ST8SIA5: variants seen among roughly 807,000 people sequenced by gnomAD.
ST8SIA5 encodes ST8 alpha-N-acetyl-neuraminide alpha-2,8-sialyltransferase 5.
Under a neutral mutation model 40.2 loss-of-function variants are expected in ST8SIA5, and 24 were observed. The observed-to-expected ratio is 0.60, with a 90% confidence interval of 0.43 to 0.84. The LOEUF (loss-of-function observed/expected upper bound fraction) is 0.84, where lower values mean the gene tolerates loss of function less well. Ranked by LOEUF, ST8SIA5 falls within the 40% of genes least tolerant of loss-of-function variation. ST8SIA5 has a pLI of 0.00. For synonymous variants in ST8SIA5, 198 were observed against 201.8 expected, an observed-to-expected ratio of 0.98 and a Z score of 0.16; for missense variants, 465 against 498.5, an observed-to-expected ratio of 0.93 and a Z score of 0.64.
intron 1 of ST8SIA5, among the ~76,000 whole-genome samples, chr18:46,729,500 C>A (rs1283783675): frequency 1.3e-5 from 2 of 152,058 alleles, no homozygotes; most frequent in Admixed American, 1.3e-4. Flanking sequence ...GCCAGAAACA[C>A]ATGCCAGACT....
intron 1 of ST8SIA5, among the ~76,000 whole-genome samples, chr18:46,713,990 G>A (rs74621009): frequency 0.041 from 6,174 of 152,278 alleles, 292 homozygotes; most frequent in Admixed American, 0.15. Flanking sequence ...AGGGATGGCT[G>A]GAGGAAGAAA....
chr18:46,727,962 C>T (rs773131249), intron 1 of ST8SIA5, among the ~76,000 whole-genome samples: 6 of 152,024 alleles, frequency 3.9e-5, no homozygotes, highest in Non-Finnish European at 7.4e-5. Flanking sequence ...TTTGGGAGGC[C>T]GAGGCAGGAG....
intron 1 of ST8SIA5, among the ~76,000 whole-genome samples, chr18:46,747,873 A>G (rs950745838): frequency 1.3e-5 from 2 of 152,222 alleles, no homozygotes; most frequent in Admixed American, 6.5e-5. Context: ...CATATATACC[A>G]TGGAATACTA....
intron 4 of ST8SIA5, 151 bp downstream of exon 4, chr18:46,688,624 G>A (rs2039471511): frequency 1.1e-6 from 1 of 937,176 alleles, no homozygotes; most frequent in Non-Finnish European, 1.5e-6. Context: ...GTGGGCTTCT[G>A]CACCTCAGAC....
chr18:46,680,481 G>A lies in ST8SIA5; in HGVS notation c.692C>T (p.Pro231Leu), dbSNP rs2039382123. 1.3e-6 allele frequency: 2 copies of A among 1,590,276 alleles called. No individual in the cohort carries two copies. Among genetic ancestry groups the A allele is most frequent in the Middle Eastern group, 1.7e-4 (1 of 6,034 alleles). ...RFHKLEKWRR[P>L]FYRVLQVYEN... Reference sequence around the variant, plus strand: ...GTACACCTGCAGCACGCGATAGAACGGCCGCCGCCACTTCTCCAGCTTGTG... The same window carrying A: ...GTACACCTGCAGCACGCGATAGAACAGCCGCCGCCACTTCTCCAGCTTGTG... The change falls in exon 7 of 7, where the codon CCG (proline) becomes CTG (leucine). Residue 231 changes from proline to leucine, a missense_variant. Physicochemically the swap from Pro to Leu is moderately conservative, Grantham distance 98. Transcript: ENST00000315087.
Position 46,704,682 on chromosome 18 carries a change from C to T in ST8SIA5, c.132-18G>A. The T allele has an allele frequency of 1.2e-6, 2 of 1,605,946 alleles. No homozygotes were observed. Among genetic ancestry groups the T allele is most frequent in the Non-Finnish European group, 1.7e-6 (2 of 1,172,502 alleles). ...CAAAGTACCTGGGGACCAACAGAGA[C>T]AGGTTAAACAGAGAAGCAGGTCAGG... is the stretch of plus-strand genomic sequence containing the variant. On this transcript the variant is annotated intron_variant, in intron 1 of 6. Coordinates refer to ENST00000315087, the MANE Select transcript of ST8SIA5 (RefSeq NM_013305.6).
intron 1 of ST8SIA5, among the ~76,000 whole-genome samples, chr18:46,710,443 T>TTTTCTTTCTCTCTCTTTCTTTTTCTC: frequency 6.9e-6 from 1 of 145,054 alleles, no homozygotes; most frequent in African/African-American, 2.5e-5. Flanking sequence ...TTCTTTTTCT[T>TTTTCTTTCTCTCTCTTTCTTTTTCTC]TTTCTTTCTC....
chr18:46,682,251 G>A (rs1364806419), intron 5 of ST8SIA5, among the ~76,000 whole-genome samples, 187 bp from the exon 6 acceptor site: 1 of 152,274 alleles, frequency 6.6e-6, no homozygotes, highest in African/African-American at 2.4e-5. Context: ...CACTAGGACA[G>A]CCAACAGGCC....
chr18:46,689,705 C>T (rs1250647995), intron 3 of ST8SIA5, among the ~76,000 whole-genome samples: 3 of 150,344 alleles, frequency 2.0e-5, no homozygotes, highest in African/African-American at 7.4e-5. Context: ...TCCCAAGTAG[C>T]TGGGATTACA....
chr18:46,725,476 G>T (rs1178894972), intron 1 of ST8SIA5, among the ~76,000 whole-genome samples: 1 of 152,018 alleles, frequency 6.6e-6, no homozygotes, highest in Non-Finnish European at 1.5e-5. Context: ...GACTATAGAA[G>T]CGAGGGACTA....
intron 2 of ST8SIA5, among the ~76,000 whole-genome samples, chr18:46,693,618 A>G (rs568073929): frequency 3.2e-4 from 49 of 152,372 alleles, no homozygotes; most frequent in South Asian, 1.0e-3. Context: ...ATGCATACAT[A>G]TAATCATTTC....
intron 1 of ST8SIA5, among the ~76,000 whole-genome samples, chr18:46,713,022 G>A (rs965252435): frequency 6.6e-5 from 10 of 152,222 alleles, no homozygotes; most frequent in Admixed American, 3.9e-4. Flanking sequence ...GGCTAGGCAG[G>A]GTTGTGGAGG....
rs537440900 is a variant in ST8SIA5, at chr18:46,728,052, G to A, written c.132-23388C>T. Reference sequence around the variant, plus strand: ...TCTACTAAAAATACAGAAATTAGCTGGGTATGGAGGCATGAGCCTGTAGTC... The same window carrying A: ...TCTACTAAAAATACAGAAATTAGCTAGGTATGGAGGCATGAGCCTGTAGTC... On this transcript the variant is annotated intron_variant, in intron 1 of 6. Transcript: ENST00000315087. Among the ~76,000 whole-genome samples the A allele has an allele frequency of 3.9e-5, 6 of 152,138 alleles. No homozygotes were observed. The East Asian group carries it at 1.2e-3, about 29-fold the overall frequency.
At chr18:46,715,320 CT>C (rs1487818288) in intron 1 of ST8SIA5, among the ~76,000 whole-genome samples, 2 of 152,208 alleles carry the variant, frequency 1.3e-5, no homozygotes, top group Admixed American at 1.3e-4. Context: ...AGGGGTCGCA[CT>C]GCCCCCAAGG....
intron 1 of ST8SIA5, among the ~76,000 whole-genome samples, chr18:46,755,918 C>T (rs920822457): frequency 6.6e-6 from 1 of 152,100 alleles, no homozygotes; most frequent in Non-Finnish European, 1.5e-5. Context: ...GGGGAAAATG[C>T]TTTTTCTCCC....
rs1804203036 is a variant in ST8SIA5 at position 46,676,935 on chromosome 18, T to G, written c.*3107A>C. 6.6e-6 allele frequency: 1 copy of G among 152,096 alleles called. No homozygotes were observed. The highest frequency in any genetic ancestry group is 1.5e-5 in the Non-Finnish European group (1 of 68,018). 9.4% of individuals were successfully genotyped at this position (152,096 alleles called of 1,614,324 possible). ...TCCTGAAAGTCAGGAGACTGGTGAG[T>G]CCCAGTTGAGCCACAAGCTGGCCAT... On this transcript the variant is annotated 3_prime_UTR_variant, in exon 7 of 7. Transcript: ENST00000315087.
At chr18:46,697,224 C>T (rs2039565524) in intron 2 of ST8SIA5, among the ~76,000 whole-genome samples, 1 of 151,758 alleles carries the variant, frequency 6.6e-6, no homozygotes, top group Admixed American at 6.6e-5. Context: ...AGACACAGAG[C>T]TCCTATCAGT....
chr18:46,695,217 CTGTGT>C (rs2039546789), intron 2 of ST8SIA5, among the ~76,000 whole-genome samples: 2 of 151,862 alleles, frequency 1.3e-5, no homozygotes, highest in Non-Finnish European at 2.9e-5. Context: ...GAGGCATGTC[CTGTGT>C]TTAATTGGAG....
chr18:46,721,412 A>G (rs1415973709), intron 1 of ST8SIA5: 2 of 1,536,162 alleles, frequency 1.3e-6, no homozygotes, highest in Non-Finnish European at 1.7e-6. Context: ...CCGTGACATT[A>G]AAGAGCCCCG....
Sources: allele counts gnomAD v4.1 joint callset (sites outside exome capture counted in the v4.1 genomes callset), GRCh38; gene constraint gnomAD v4.1.1; transcripts MANE v1.5; gene names NCBI Gene and HGNC (gene_info 2026-07-23, HGNC 2026-07-21).